The following LNP1 variants were observed in gnomAD, a reference collection of about 807,000 sequenced individuals.
The protein encoded by LNP1 is leukemia NUP98 fusion partner 1.
Under a neutral mutation model 14.5 loss-of-function variants are expected in LNP1, and 12 were observed. That is an observed-to-expected ratio of 0.83 (90% CI 0.53 to 1.34). LNP1 has a LOEUF of 1.34. Among genes scored for constraint, LNP1 ranks in the 40% most tolerant of loss-of-function variants. The pLI is 0.00. For missense variants in LNP1, 198 were observed against 210.9 expected, an observed-to-expected ratio of 0.94 and a Z score of 0.38; for synonymous variants, 75 against 71.4, an observed-to-expected ratio of 1.05 and a Z score of -0.26.
At position 100,422,182 on chromosome 3, in the gene LNP1, CTT is replaced by C. The variant is rs35862297; in HGVS notation, c.-33-7497_-33-7496del. Among the ~76,000 whole-genome samples the C allele has an allele frequency of 8.9e-3, 903 of 101,568 alleles. 1 individual carries two copies. The highest frequency in any genetic ancestry group is 0.028 in the African/African-American group (672 of 24,044). 66.6% of individuals were successfully genotyped at this position (101,568 alleles called of 152,430 possible). A position where few individuals can be genotyped will look rare whatever the true frequency, so the allele number is the denominator to read the frequency against. ...CACTGATGAACTGGATTGATAAAGTCTTTTTTTTTTTTTTTTTTTGCTATGGA... is the reference window on the plus strand; with the variant it reads ...CACTGATGAACTGGATTGATAAAGTCTTTTTTTTTTTTTTTTTGCTATGGA... On this transcript the variant is annotated intron_variant, in intron 1 of 3. Coordinates refer to ENST00000383693, the MANE Select transcript of LNP1 (RefSeq NM_001085451.2).
At chr3:100,445,399 G>A (rs900844570) in intron 2 of LNP1, among the ~76,000 whole-genome samples, 1 of 152,126 alleles carries the variant, frequency 6.6e-6, no homozygotes, top group South Asian at 2.1e-4. Context: ...CTGGCCCTGG[G>A]TCTCAGGAAT....
chr3:100,418,495 G>C (rs918293026), intron 1 of LNP1, among the ~76,000 whole-genome samples: 2 of 151,770 alleles, frequency 1.3e-5, no homozygotes, highest in African/African-American at 4.8e-5. Flanking sequence ...AAACAGAAAT[G>C]CTGTGTGAGA....
intron 1 of LNP1, among the ~76,000 whole-genome samples, chr3:100,427,942 T>C (rs995806413): frequency 2.6e-5 from 4 of 152,376 alleles, no homozygotes; most frequent in East Asian, 3.9e-4. Context: ...GATGCCATGC[T>C]CTGTAAACAT....
chr3:100,447,419 G>C lies in LNP1; in HGVS notation c.157-4300G>C, dbSNP rs1042197523. The stretch of plus-strand genomic sequence containing the variant: ...AACAATGAGATCACTTGGACACAGT[G>C]GGGGGAACATCACATACTGGGGCCT... On this transcript the variant is annotated intron_variant, in intron 2 of 3. Coordinates refer to ENST00000383693, the MANE Select transcript of LNP1 (RefSeq NM_001085451.2). 4.6e-5 allele frequency among the ~76,000 whole-genome samples: 7 copies of C among 152,084 alleles called. 1 individual carries two copies. The highest frequency in any genetic ancestry group is 1.7e-4 in the African/African-American group (7 of 41,470).
intron 1 of LNP1, among the ~76,000 whole-genome samples, chr3:100,408,397 C>T (rs1530283): frequency 0.15 from 22,673 of 152,090 alleles, 3,093 homozygotes; most frequent in East Asian, 0.49. Context: ...GCTGACTTAG[C>T]ACTGGGATGG....
At position 100,422,434 on chromosome 3, in the gene LNP1, C is replaced by T. The variant is rs114446826; in HGVS notation, c.-33-7263C>T. On this transcript the variant is annotated intron_variant, in intron 1 of 3. Coordinates refer to ENST00000383693, the MANE Select transcript of LNP1 (RefSeq NM_001085451.2). ...TCCTGACCTTGTGATCCGCCTGCCT[C>T]AGCCTCCCAAAAAGTTTTTTACATA... is the stretch of plus-strand genomic sequence containing the variant. Among the ~76,000 whole-genome samples, 441 of 152,224 alleles carry T rather than the reference C, an allele frequency of 2.9e-3. 3 individuals carry two copies. The highest frequency in any genetic ancestry group is 0.01 in the African/African-American group (431 of 41,522).
chr3:100,419,588 A>G (rs1428915726), intron 1 of LNP1, among the ~76,000 whole-genome samples: 1 of 152,186 alleles, frequency 6.6e-6, no homozygotes, highest in African/African-American at 2.4e-5. Context: ...GAACTGGTCT[A>G]TCATCAGAAA....
intron 1 of LNP1, among the ~76,000 whole-genome samples, chr3:100,408,239 A>G (rs545483697): frequency 4.7e-4 from 71 of 152,288 alleles, no homozygotes; most frequent in African/African-American, 1.7e-3. Context: ...AACATCCTCT[A>G]ACAGTAAGCC....
At chr3:100,407,727 C>G in intron 1 of LNP1, among the ~76,000 whole-genome samples, 1 of 152,086 alleles carries the variant, frequency 6.6e-6, no homozygotes, top group Non-Finnish European at 1.5e-5. Context: ...TGGTAATTTG[C>G]GTATTTGCTC....
chr3:100,449,686 G>C (rs1707420420), intron 2 of LNP1, among the ~76,000 whole-genome samples: 1 of 151,826 alleles, frequency 6.6e-6, no homozygotes, highest in African/African-American at 2.4e-5. Context: ...AAACATAAAG[G>C]CCTTTTAAAT....
chr3:100,421,047 C>T (rs10049055), intron 1 of LNP1, among the ~76,000 whole-genome samples: 1,713 of 151,878 alleles, frequency 0.011, 21 homozygotes, highest in African/African-American at 0.039. Context: ...GGGATAGTCA[C>T]GGCTCACTGG....
chr3:100,423,267 G>C (rs1418883851), intron 1 of LNP1, among the ~76,000 whole-genome samples: 1 of 152,040 alleles, frequency 6.6e-6, no homozygotes, highest in African/African-American at 2.4e-5. Context: ...TAAGAGGAAT[G>C]ATGCTTTCCC....
At chr3:100,418,236 T>TG (rs1251478841) in intron 1 of LNP1, among the ~76,000 whole-genome samples, 1 of 151,504 alleles carries the variant, frequency 6.6e-6, no homozygotes, top group Non-Finnish European at 1.5e-5. Context: ...ATTTTTTTTT[T>TG]TTTTTGTATT....
At chr3:100,405,236 T>C (rs1443016043) in intron 1 of LNP1, among the ~76,000 whole-genome samples, 1 of 152,222 alleles carries the variant, frequency 6.6e-6, no homozygotes, top group African/African-American at 2.4e-5. Context: ...TATACACACA[T>C]AAACACAAAA....
At chr3:100,454,631 A>G (rs115758009) in intron 3 of LNP1, among the ~76,000 whole-genome samples, 2 of 152,184 alleles carry the variant, frequency 1.3e-5, no homozygotes, top group East Asian at 3.8e-4. Context: ...GATAATTTTC[A>G]CATTTAGCAT....
chr3:100,430,958 G>A (rs573298470), intron 2 of LNP1, among the ~76,000 whole-genome samples: 2 of 152,334 alleles, frequency 1.3e-5, no homozygotes, highest in African/African-American at 4.8e-5. Flanking sequence ...AGATGGGGGT[G>A]TTGGACTGAG....
chr3:100,432,957 T>C (rs1356251805), intron 2 of LNP1, among the ~76,000 whole-genome samples: 1 of 152,182 alleles, frequency 6.6e-6, no homozygotes, highest in Non-Finnish European at 1.5e-5. Flanking sequence ...ACAGTGCTTC[T>C]TCTATGCTCC....
At position 100,439,831 on chromosome 3, in the gene LNP1, T is replaced by G. The variant is rs13062845; in HGVS notation, c.156+9946T>G. Among the ~76,000 whole-genome samples the G allele has an allele frequency of 6.2e-4, 95 of 152,290 alleles. 1 individual carries two copies. The highest frequency in any genetic ancestry group is 3.4e-3 in the Middle Eastern group (1 of 294). On this transcript the variant is annotated intron_variant, in intron 2 of 3. Transcript: ENST00000383693. ...CCTATTTAGTAAATGGACTAATATA[T>G]AGAGATTTACCTTAGGTGTCTCAGC...
At position 100,443,429 on chromosome 3, in the gene LNP1, A is replaced by G. The variant is rs530917637; in HGVS notation, c.157-8290A>G. 1.2e-4 allele frequency among the ~76,000 whole-genome samples: 18 copies of G among 152,338 alleles called. No individual in the cohort carries two copies. In the South Asian group the frequency reaches 3.1e-3, roughly 26 times the overall value. Reference sequence around the variant, plus strand: ...CTAATCATTTGTATACAGTTCAACAAGAATAATTATTTTTTACATAGGCTT... The same window carrying G: ...CTAATCATTTGTATACAGTTCAACAGGAATAATTATTTTTTACATAGGCTT... On this transcript the variant is annotated intron_variant, in intron 2 of 3. Transcript: ENST00000383693.
Sources: allele counts gnomAD v4.1 joint callset (sites outside exome capture counted in the v4.1 genomes callset), GRCh38; gene constraint gnomAD v4.1.1; transcripts MANE v1.5; gene names NCBI Gene and HGNC (gene_info 2026-07-23, HGNC 2026-07-21).